ABCC12: variants seen among roughly 807,000 people sequenced by gnomAD.
The protein encoded by ABCC12 is ATP binding cassette subfamily C member 12.
A neutral mutation model predicts 151.1 loss-of-function variants in ABCC12; 142 were observed. The observed-to-expected ratio is 0.94, with a 90% confidence interval of 0.82 to 1.08. The LOEUF (loss-of-function observed/expected upper bound fraction) is 1.08. ABCC12 is among the 50% of genes least tolerant of loss of function. The pLI is 0.00. For synonymous variants in ABCC12, 645 were observed against 646.4 expected (o/e 1.00, Z 0.03); for missense variants, 1,638 against 1,691.1 (o/e 0.97, Z 0.55).
intron 2 of ABCC12, among the ~76,000 whole-genome samples, chr16:48,151,270 A>G (rs1411812013): frequency 6.6e-6 from 1 of 152,202 alleles, no homozygotes; most frequent in Non-Finnish European, 1.5e-5. Context: ...TCTAATCATG[A>G]GAAAAACATC....
intron 11 of ABCC12, among the ~76,000 whole-genome samples, chr16:48,127,710 T>C (rs1455505814): frequency 1.3e-5 from 2 of 152,160 alleles, no homozygotes; most frequent in East Asian, 3.8e-4. Context: ...TGGTAAATAG[T>C]AGTGTTCAAA....
Position 48,121,949 on chromosome 16 carries a change from G to A in ABCC12, c.1588-109C>T. The A allele has an allele frequency of 2.0e-6, 3 of 1,494,530 alleles. No individual in the cohort carries two copies. In the South Asian group the frequency reaches 3.9e-5, roughly 19 times the overall value. 92.6% of individuals were successfully genotyped at this position (1,494,530 alleles called of 1,614,324 possible). On this transcript the variant is annotated intron_variant, in intron 12 of 30. Transcript: ENST00000311303. ...TATTCCACAAGCATTGGTTATGAAGGCACAAAAGCGTTGACAGGACATCTT... is the reference window on the plus strand; with the variant it reads ...TATTCCACAAGCATTGGTTATGAAGACACAAAAGCGTTGACAGGACATCTT...
At chr16:48,090,655 C>T (rs79151091) in intron 25 of ABCC12, among the ~76,000 whole-genome samples, 2,344 of 152,220 alleles carry the variant, frequency 0.015, 60 homozygotes, top group African/African-American at 0.054. Flanking sequence ...ACAACAAGAA[C>T]TTCAGAATGT....
intron 20 of ABCC12, 123 bp downstream of exon 20, chr16:48,107,199 G>T: frequency 1.1e-6 from 1 of 921,416 alleles, no homozygotes; most frequent in South Asian, 1.5e-5. Flanking sequence ...CCCACTTCTT[G>T]AAAAGGGCAG....
intron 23 of ABCC12, among the ~76,000 whole-genome samples, chr16:48,098,643 T>C (rs1173680270): frequency 6.6e-6 from 1 of 152,264 alleles, no homozygotes; most frequent in African/African-American, 2.4e-5. Context: ...GTCTTATCCG[T>C]GTGGTTGGTT....
At chr16:48,143,019 C>T (rs1319955801) in intron 4 of ABCC12, among the ~76,000 whole-genome samples, 2 of 152,146 alleles carry the variant, frequency 1.3e-5, no homozygotes, top group Non-Finnish European at 2.9e-5. Context: ...GCTGCTTTCA[C>T]ATTTTTATAA....
intron 23 of ABCC12, among the ~76,000 whole-genome samples, chr16:48,097,303 A>G (rs910619285): frequency 3.4e-5 from 5 of 148,276 alleles, no homozygotes; most frequent in Admixed American, 2.7e-4. Flanking sequence ...GGAATTGACA[A>G]TTGGCCCCCT....
intron 8 of ABCC12, among the ~76,000 whole-genome samples, chr16:48,134,486 C>T (rs145336613): frequency 1.3e-4 from 20 of 152,248 alleles, no homozygotes; most frequent in East Asian, 9.7e-4. Flanking sequence ...TAACATATGT[C>T]CTTGAGTTGT....
chr16:48,118,073 C>T (rs1321426605), intron 13 of ABCC12, among the ~76,000 whole-genome samples: 1 of 152,162 alleles, frequency 6.6e-6, no homozygotes, highest in Non-Finnish European at 1.5e-5. Context: ...AGGCCCTAGC[C>T]AGCTCTGCGG....
intron 22 of ABCC12, among the ~76,000 whole-genome samples, chr16:48,103,775 T>C (rs1232551784): frequency 6.6e-6 from 1 of 152,214 alleles, no homozygotes; most frequent in Non-Finnish European, 1.5e-5. Context: ...GCCCCGACAC[T>C]GTGCAAAGCT....
chr16:48,118,958 G>A (rs1963979286), intron 13 of ABCC12, among the ~76,000 whole-genome samples: 1 of 152,236 alleles, frequency 6.6e-6, no homozygotes, highest in South Asian at 2.1e-4. Context: ...AGTGTCTGCT[G>A]CATGGCAAAT....
At chr16:48,140,483 C>G (rs1964766296) in intron 6 of ABCC12, among the ~76,000 whole-genome samples, 1 of 152,146 alleles carries the variant, frequency 6.6e-6, no homozygotes, top group South Asian at 2.1e-4. Flanking sequence ...TCCAAATTCT[C>G]CAGCCTGAAC....
chr16:48,128,329 A>G (rs1964306625), intron 11 of ABCC12, 130 bp downstream of exon 11: 2 of 1,360,832 alleles, frequency 1.5e-6, no homozygotes, highest in Non-Finnish European at 2.0e-6. Flanking sequence ...GGAAAAATAC[A>G]GGGACTCTGG....
At chr16:48,145,003 G>A (rs1173561714) in intron 3 of ABCC12, among the ~76,000 whole-genome samples, 1 of 152,092 alleles carries the variant, frequency 6.6e-6, no homozygotes, top group Non-Finnish European at 1.5e-5. Flanking sequence ...GGTGAGATGG[G>A]AATTCAAACC....
chr16:48,132,639 G>T (rs563065015), intron 9 of ABCC12, among the ~76,000 whole-genome samples: 1 of 151,580 alleles, frequency 6.6e-6, no homozygotes, highest in Non-Finnish European at 1.5e-5. Context: ...TTAGCATTTC[G>T]TTATCTTTGG....
intron 4 of ABCC12, among the ~76,000 whole-genome samples, chr16:48,142,290 T>A (rs1445021009): frequency 2.0e-5 from 3 of 152,066 alleles, no homozygotes; most frequent in Non-Finnish European, 4.4e-5. Context: ...AGTTTCAGAG[T>A]CTGGAAGTGG....
At chr16:48,097,028 C>T in intron 23 of ABCC12, 126 bp from the exon 24 acceptor site, 2 of 1,076,908 alleles carry the variant, frequency 1.9e-6, no homozygotes, top group Non-Finnish European at 2.8e-6. Flanking sequence ...AATTTTTAAT[C>T]AAGGGAACAC....
chr16:48,094,182 G>A (rs1963010693), intron 24 of ABCC12, among the ~76,000 whole-genome samples: 1 of 152,132 alleles, frequency 6.6e-6, no homozygotes, highest in Admixed American at 6.5e-5. Context: ...ATTTTACTAG[G>A]CAACAACAAA....
Position 48,111,521 on chromosome 16 carries a change from TAAAG to T in ABCC12, c.2210-18_2210-15del. On this transcript the variant is annotated splice_polypyrimidine_tract_variant and intron_variant, in intron 17 of 30. Coordinates refer to ENST00000311303, the MANE Select transcript of ABCC12 (RefSeq NM_001393797.1). ...CTGGAGCCAAAACTAGGGTGAGAAATAAAGAGAGATCTGTGTCCATTCAAGCCAA... is the reference window on the plus strand; with the variant it reads ...CTGGAGCCAAAACTAGGGTGAGAAATAGAGATCTGTGTCCATTCAAGCCAA... 1 of 1,614,084 alleles carries T rather than the reference TAAAG, an allele frequency of 6.2e-7. No homozygotes were observed. The highest frequency in any genetic ancestry group is 1.1e-5 in the South Asian group (1 of 91,074).
Sources: allele counts gnomAD v4.1 joint callset (sites outside exome capture counted in the v4.1 genomes callset), GRCh38; gene constraint gnomAD v4.1.1; transcripts MANE v1.5; gene names NCBI Gene and HGNC (gene_info 2026-07-23, HGNC 2026-07-21).